TWIST2: variants seen among roughly 807,000 people sequenced by gnomAD.
TWIST2 encodes twist family bHLH transcription factor 2.
TWIST2 carries 1 observed loss-of-function variant against 11.6 expected under a neutral mutation model. That is an observed-to-expected ratio of 0.09 (90% confidence interval 0.03 to 0.41). The LOEUF (loss-of-function observed/expected upper bound fraction) is 0.41, where lower values mean the gene tolerates loss of function less well. Among genes scored for constraint, TWIST2 ranks in the 10% least tolerant of loss-of-function variants. The pLI, the probability that TWIST2 is intolerant of heterozygous loss-of-function variation, is 0.98. For missense variants in TWIST2, 168 were observed against 226.4 expected (o/e 0.74, Z 1.66); for synonymous variants, 87 against 96.6 (o/e 0.90, Z 0.58).
At chr2:238,890,252 G>A (rs1484451808) in intron 1 of TWIST2, among the ~76,000 whole-genome samples, 2 of 152,210 alleles carry the variant, frequency 1.3e-5, no homozygotes, top group Non-Finnish European at 2.9e-5. Context: ...CCATGCTTGT[G>A]GCCACTCCAG....
In TWIST2 at chr2:238,864,864, G is replaced by T. The variant is rs187385225; in HGVS notation, c.*35+16131G>T. On this transcript the variant is annotated intron_variant, in intron 1 of 1. Transcript: ENST00000612363. This position sits in a 1 kb window ranked among gnomAD's most constrained non-coding sequence, Gnocchi z 4.7. ...ACCCCTGGAAGGTCCAGAGTGCAGGGTGTGTGGCCAGGCCAGGCCTGGAGA... is the reference window on the plus strand; with the variant it reads ...ACCCCTGGAAGGTCCAGAGTGCAGGTTGTGTGGCCAGGCCAGGCCTGGAGA... Among the ~76,000 whole-genome samples the T allele has an allele frequency of 3.7e-3, 569 of 151,838 alleles. 4 individuals carry two copies. Among genetic ancestry groups the T allele is most frequent in the Non-Finnish European group, 5.2e-3 (354 of 67,850 alleles).
chr2:238,904,404 CTAA>C (rs1693317114), intron 1 of TWIST2, among the ~76,000 whole-genome samples: 1 of 48,690 alleles, frequency 2.1e-5, no homozygotes, highest in Non-Finnish European at 4.4e-5. Context: ...AGGTGTGTGT[CTAA>C]TGTGAGGTGT....
rs186515439 is a variant in TWIST2 at position 238,868,327 on chromosome 2, C to T, written c.*35+19594C>T. 5.3e-3 allele frequency among the ~76,000 whole-genome samples: 812 copies of T among 152,294 alleles called. 8 individuals are homozygous for T. Among genetic ancestry groups the T allele is most frequent in the African/African-American group, 0.018 (743 of 41,550 alleles). On this transcript the variant is annotated intron_variant, in intron 1 of 1. Transcript: ENST00000612363. ...CTGCCCAAGTGCCGGGAGCCCCCCG[C>T]CCCCCAGCCTGCTCTGGTAAGCGTC...
intron 1 of TWIST2, among the ~76,000 whole-genome samples, chr2:238,878,607 G>T (rs1692850064): frequency 6.6e-6 from 1 of 152,218 alleles, no homozygotes; most frequent in African/African-American, 2.4e-5. Flanking sequence ...AGCAGCCCCT[G>T]TTGATCTTTT....
At position 238,862,979 on chromosome 2, in the gene TWIST2, G is replaced by A. The variant is rs566396201; in HGVS notation, c.*35+14246G>A. ...ACGGGTGTGTTTGTCTGGAGAGACAGTGGCAAGAATGAATGTCTCTGGACC... is the reference window on the plus strand; with the variant it reads ...ACGGGTGTGTTTGTCTGGAGAGACAATGGCAAGAATGAATGTCTCTGGACC... On this transcript the variant is annotated intron_variant, in intron 1 of 1. Transcript: ENST00000612363. 2.2e-4 allele frequency among the ~76,000 whole-genome samples: 34 copies of A among 152,276 alleles called. No homozygotes were observed. In the South Asian group the frequency reaches 6.6e-3, roughly 30 times the overall value.
rs1299260027 is a variant in TWIST2 at position 238,870,126 on chromosome 2, A to ACACAC, written c.*35+21394_*35+21398dup. 2.1e-3 allele frequency among the ~76,000 whole-genome samples: 20 copies of ACACAC among 9,384 alleles called. 4 individuals are homozygous for ACACAC. The highest frequency in any genetic ancestry group is 0.012 in the African/African-American group (19 of 1,592). The allele number at this position is 9,384 out of a possible 152,430, so 6.2% of individuals were successfully genotyped here. Reference sequence around the variant, plus strand: ...TACACAGACACACCATACACCCCCCACACACACACCACACCCCATACACAC... The same window carrying ACACAC: ...TACACAGACACACCATACACCCCCCACACACCACACACACCACACCCCATACACAC... On this transcript the variant is annotated intron_variant, in intron 1 of 1. Transcript: ENST00000612363.
chr2:238,868,865 A>G (rs1692594405), intron 1 of TWIST2, among the ~76,000 whole-genome samples: 1 of 152,194 alleles, frequency 6.6e-6, no homozygotes, highest in South Asian at 2.1e-4. Context: ...GCTTGTGTCC[A>G]TTTGATTCTC....
intron 1 of TWIST2, among the ~76,000 whole-genome samples, chr2:238,907,522 C>T (rs930244488): frequency 5.3e-5 from 8 of 152,124 alleles, no homozygotes; most frequent in African/African-American, 7.2e-5. Flanking sequence ...CAGAGCTGCA[C>T]CAAGCCTGGC....
intron 1 of TWIST2, among the ~76,000 whole-genome samples, chr2:238,874,400 T>G (rs967565375): frequency 2.6e-5 from 4 of 152,166 alleles, no homozygotes; most frequent in African/African-American, 9.7e-5. Context: ...AATGTCCAAT[T>G]TAGTTACTTA....
intron 1 of TWIST2, among the ~76,000 whole-genome samples, chr2:238,902,188 AAG>A (rs1204516025): frequency 1.3e-5 from 2 of 150,776 alleles, no homozygotes; most frequent in South Asian, 4.2e-4. Context: ...GTGTGTGTGC[AAG>A]AGAGAGAGAT....
chr2:238,865,428 A>G (rs1364799156), intron 1 of TWIST2, among the ~76,000 whole-genome samples: 5 of 152,156 alleles, frequency 3.3e-5, no homozygotes, highest in African/African-American at 1.2e-4. Context: ...TGGCGTTCCT[A>G]CACCCCTGCA....
Position 238,864,832 on chromosome 2 carries a change from C to T in TWIST2, c.*35+16099C>T, listed in dbSNP as rs1692504428. On this transcript the variant is annotated intron_variant, in intron 1 of 1. Transcript: ENST00000612363. This position sits in a 1 kb window ranked among gnomAD's most constrained non-coding sequence, Gnocchi z 4.7. ...AGCATCTGTGAGGGGTTTTCCTCTC[C>T]TTAGGGACCCCTGGAAGGTCCAGAG... Among the ~76,000 whole-genome samples, 1 of 151,830 alleles carries T rather than the reference C, an allele frequency of 6.6e-6. No homozygotes were observed. The highest frequency in any genetic ancestry group is 1.5e-5 in the Non-Finnish European group (1 of 67,924).
rs368124988 is a variant in TWIST2 at position 238,883,803 on chromosome 2, G to A, written c.*36-26039G>A. Among the ~76,000 whole-genome samples the A allele has an allele frequency of 4.5e-3, 680 of 152,278 alleles. 5 individuals are homozygous for A. Among genetic ancestry groups the A allele is most frequent in the African/African-American group, 0.016 (655 of 41,544 alleles). On this transcript the variant is annotated intron_variant, in intron 1 of 1. Transcript: ENST00000612363. The stretch of plus-strand genomic sequence containing the variant: ...GGTTTTCAGGAATGAAAAGCTGACA[G>A]GGTTATGTTGTTGCTGGTTTCCCAG...
chr2:238,884,543 G>A (rs896154884), intron 1 of TWIST2, among the ~76,000 whole-genome samples: 14 of 152,222 alleles, frequency 9.2e-5, no homozygotes, highest in Admixed American at 5.9e-4. Context: ...TCACGGGCAC[G>A]TTCAAGGGTG....
intron 1 of TWIST2, among the ~76,000 whole-genome samples, chr2:238,875,341 C>G (rs1040530491): frequency 6.6e-6 from 1 of 151,820 alleles, no homozygotes. Flanking sequence ...AAGAAGAAGA[C>G]GGCCTCTTCC....
At chr2:238,895,872 C>T (rs895063070) in intron 1 of TWIST2, among the ~76,000 whole-genome samples, 5 of 152,180 alleles carry the variant, frequency 3.3e-5, no homozygotes, top group African/African-American at 1.2e-4. Flanking sequence ...CAAGCTCGCC[C>T]TCTCCCCTGG....
At chr2:238,862,002 T>C (rs913009632) in intron 1 of TWIST2, among the ~76,000 whole-genome samples, 1 of 152,212 alleles carries the variant, frequency 6.6e-6, no homozygotes, top group African/African-American at 2.4e-5. Flanking sequence ...CTACTATAAT[T>C]TCATCCCACT....
chr2:238,862,049 GCT>G (rs1692445661), intron 1 of TWIST2, among the ~76,000 whole-genome samples: 1 of 152,250 alleles, frequency 6.6e-6, no homozygotes, highest in Non-Finnish European at 1.5e-5. Context: ...GACAGTCACA[GCT>G]GTGGACGGAA....
intron 1 of TWIST2, among the ~76,000 whole-genome samples, chr2:238,899,471 T>C (rs1693243977): frequency 6.6e-6 from 1 of 152,152 alleles, no homozygotes; most frequent in Non-Finnish European, 1.5e-5. Context: ...TTTGCAGAAG[T>C]GGAAACTGAG....
Sources: allele counts gnomAD v4.1 joint callset (sites outside exome capture counted in the v4.1 genomes callset), GRCh38; gene constraint gnomAD v4.1.1; non-coding constraint Gnocchi (gnomAD v3.1); transcripts MANE v1.5; gene names NCBI Gene and HGNC (gene_info 2026-07-23, HGNC 2026-07-21).